The following RGS7 variants were observed in gnomAD, a reference collection of about 807,000 sequenced individuals.
The protein encoded by RGS7 is regulator of G protein signaling 7.
Under a neutral mutation model 81.1 loss-of-function variants are expected in RGS7, and 27 were observed. The ratio of observed to expected loss-of-function variants is 0.33; its 90% CI spans 0.25 to 0.46. The LOEUF is 0.46. Ranked by LOEUF, RGS7 falls within the 20% of genes least tolerant of loss-of-function variation. The probability of loss-of-function intolerance (pLI) is 1.00; values close to 1 mark genes in which losing one functional copy is unlikely to be tolerated. For missense variants in RGS7, 396 were observed against 607.4 expected, an observed-to-expected ratio of 0.65 and a Z score of 3.66; for synonymous variants, 208 against 207.7, an observed-to-expected ratio of 1.00 and a Z score of -0.01.
intron 18 of RGS7, among the ~76,000 whole-genome samples, chr1:240,780,061 T>C (rs1683703696): frequency 6.6e-6 from 1 of 152,220 alleles, no homozygotes; most frequent in African/African-American, 2.4e-5. Flanking sequence ...TGCCATTTCC[T>C]GTGTTTACTA....
At chr1:240,806,765 T>C (rs1688925627) in intron 14 of RGS7, among the ~76,000 whole-genome samples, 1 of 151,956 alleles carries the variant, frequency 6.6e-6, no homozygotes, top group Non-Finnish European at 1.5e-5. Flanking sequence ...AATTGGGAGA[T>C]AAAGCTGTGC....
At position 241,289,610 on chromosome 1, in the gene RGS7, G is replaced by A. The variant is rs879141597; in HGVS notation, c.78+66089C>T. ...CATAGTTGTTAAATAAATGCTTAACGAAAAGGTACACTTGGTTCACTCACC... is the reference window on the plus strand; with the variant it reads ...CATAGTTGTTAAATAAATGCTTAACAAAAAGGTACACTTGGTTCACTCACC... On this transcript the variant is annotated intron_variant, in intron 2 of 18. Coordinates refer to ENST00000440928, the MANE Select transcript of RGS7 (RefSeq NM_001364886.1). Among the ~76,000 whole-genome samples the A allele has an allele frequency of 2.6e-5, 4 of 152,142 alleles. No homozygotes were observed. The East Asian group carries it at 7.7e-4, about 29-fold the overall frequency.
At chr1:240,878,091 C>G (rs989583865) in intron 6 of RGS7, among the ~76,000 whole-genome samples, 3 of 152,150 alleles carry the variant, frequency 2.0e-5, no homozygotes, top group Admixed American at 2.0e-4. Flanking sequence ...GAGCCTCACA[C>G]CAGATGTCCC....
At chr1:241,138,783 G>A (rs2067707452) in intron 2 of RGS7, among the ~76,000 whole-genome samples, 1 of 151,514 alleles carries the variant, frequency 6.6e-6, no homozygotes, top group Non-Finnish European at 1.5e-5. Flanking sequence ...CTTCATTTTT[G>A]TTAACAGCTT....
chr1:241,069,321 A>G (rs1056803027), intron 3 of RGS7, among the ~76,000 whole-genome samples: 11 of 152,318 alleles, frequency 7.2e-5, no homozygotes, highest in African/African-American at 2.6e-4. Flanking sequence ...CAGAGATACA[A>G]TGCTGACACA....
intron 3 of RGS7, among the ~76,000 whole-genome samples, chr1:241,060,365 T>A (rs1344746469): frequency 6.6e-6 from 1 of 152,194 alleles, no homozygotes; most frequent in Non-Finnish European, 1.5e-5. Context: ...ACTGTTAACC[T>A]TTGTTTCCTC....
At chr1:240,876,300 G>C (rs1665407046) in intron 6 of RGS7, among the ~76,000 whole-genome samples, 1 of 152,074 alleles carries the variant, frequency 6.6e-6, no homozygotes, top group Non-Finnish European at 1.5e-5. Context: ...GTCACCCCTG[G>C]CTCCATCCAC....
chr1:241,268,187 C>A (rs374105905), intron 2 of RGS7, among the ~76,000 whole-genome samples: 2 of 152,310 alleles, frequency 1.3e-5, no homozygotes, highest in South Asian at 4.1e-4. Flanking sequence ...ACTGCCCAAG[C>A]CCACCTGCCA....
At chr1:240,823,625 A>C in intron 10 of RGS7, among the ~76,000 whole-genome samples, 1 of 152,152 alleles carries the variant, frequency 6.6e-6, no homozygotes, top group East Asian at 1.9e-4. Flanking sequence ...TCCCTGAGGC[A>C]ACCAACCCAA....
At chr1:241,320,940 C>T (rs2081171685) in intron 2 of RGS7, among the ~76,000 whole-genome samples, 1 of 152,062 alleles carries the variant, frequency 6.6e-6, no homozygotes, top group Non-Finnish European at 1.5e-5. Flanking sequence ...CTAATATCAT[C>T]AATGTAAATA....
intron 2 of RGS7, among the ~76,000 whole-genome samples, chr1:241,155,048 A>G (rs752482242): frequency 3.3e-4 from 51 of 152,266 alleles, no homozygotes; most frequent in Non-Finnish European, 6.6e-4. Context: ...TTTCATACTT[A>G]GTAATGAGAA....
At chr1:240,939,215 C>G (rs766094768) in intron 4 of RGS7, among the ~76,000 whole-genome samples, 1 of 152,152 alleles carries the variant, frequency 6.6e-6, no homozygotes, top group African/African-American at 2.4e-5. Context: ...AGAGAATCTA[C>G]TTCCATACAT....
chr1:241,225,231 T>G (rs2148022402), intron 2 of RGS7, among the ~76,000 whole-genome samples: 1 of 152,310 alleles, frequency 6.6e-6, no homozygotes. Context: ...TCACTCCCAC[T>G]TATAAGTGAG....
chr1:241,212,061 T>C (rs1573155590), intron 2 of RGS7, among the ~76,000 whole-genome samples: 1 of 151,652 alleles, frequency 6.6e-6, no homozygotes, highest in Non-Finnish European at 1.5e-5. Context: ...TTATTATATG[T>C]ATTCATTTAT....
chr1:241,157,390 C>T (rs758888586), intron 2 of RGS7, among the ~76,000 whole-genome samples: 8 of 152,168 alleles, frequency 5.3e-5, no homozygotes, highest in Non-Finnish European at 1.2e-4. Flanking sequence ...GGCAAGGGGT[C>T]CCCCTACATA....
intron 6 of RGS7, among the ~76,000 whole-genome samples, chr1:240,913,781 T>C (rs1213881353): frequency 6.6e-6 from 1 of 151,700 alleles, no homozygotes; most frequent in African/African-American, 2.4e-5. Flanking sequence ...AGAGCATCTG[T>C]AATTTTGTTT....
chr1:240,839,822 C>G (rs1291397916), intron 9 of RGS7, among the ~76,000 whole-genome samples: 2 of 151,966 alleles, frequency 1.3e-5, no homozygotes, highest in African/African-American at 4.8e-5. Context: ...CTCTCAGTTT[C>G]TCTCCCCTCC....
intron 3 of RGS7, among the ~76,000 whole-genome samples, chr1:241,075,417 A>AC (rs2062733075): frequency 6.6e-6 from 1 of 152,148 alleles, no homozygotes; most frequent in Non-Finnish European, 1.5e-5. Context: ...TGACGAGGAG[A>AC]AAAAGAGAGA....
chr1:240,896,280 T>C (rs990408455), intron 6 of RGS7, among the ~76,000 whole-genome samples: 1 of 152,194 alleles, frequency 6.6e-6, no homozygotes. Flanking sequence ...AGAAGCTCTT[T>C]AGTTTAATTA....
Sources: allele counts gnomAD v4.1 joint callset (sites outside exome capture counted in the v4.1 genomes callset), GRCh38; gene constraint gnomAD v4.1.1; transcripts MANE v1.5; gene names NCBI Gene and HGNC (gene_info 2026-07-23, HGNC 2026-07-21).